Variants in ZW10 observed in about 807,000 individuals in gnomAD.
ZW10 encodes zw10 kinetochore protein, also known as centromere/kinetochore protein zw10 homolog.
A neutral mutation model predicts 87.8 loss-of-function variants in ZW10; 53 were observed. The ratio of observed to expected loss-of-function variants is 0.60; its 90% confidence interval spans 0.48 to 0.76. ZW10 has a LOEUF of 0.76. Among genes scored for constraint, ZW10 ranks in the 30% least tolerant of loss-of-function variants. The pLI is 0.00. For synonymous variants in ZW10, 312 were observed against 329.2 expected (o/e 0.95, Z 0.57); for missense variants, 837 against 923.0 (o/e 0.91, Z 1.21).
In ZW10 at chr11:113,748,325, A is replaced by G; in HGVS notation, c.1021T>C (p.Cys341Arg). The G allele has an allele frequency of 6.2e-7, 1 of 1,613,850 alleles. No individual in the cohort carries two copies. The highest frequency in any genetic ancestry group is 8.5e-7 in the Non-Finnish European group (1 of 1,179,868). ...TAAACCAAACAGTTTTTGATGAGGCACTCAGACAAGTCCTCCCAGATCATG... is the reference window on the plus strand; with the variant it reads ...TAAACCAAACAGTTTTTGATGAGGCGCTCAGACAAGTCCTCCCAGATCATG... ...GDMIWEDLSECLIKNCLVYSI... is the reference protein window; with the variant it reads ...GDMIWEDLSERLIKNCLVYSI... Residue 341 changes from cysteine to arginine, a missense_variant, in exon 8 of 16, where the codon TGC becomes CGC. Transcript: ENST00000200135.
intron 1 of ZW10, 128 bp downstream of exon 1, chr11:113,773,434 C>T: frequency 1.4e-6 from 1 of 713,546 alleles, no homozygotes; most frequent in Admixed American, 2.7e-5. Context: ...ACAACTAGAT[C>T]TCCCCAACAG....
chr11:113,748,425 AT>A lies in ZW10; in HGVS notation c.926-6del, dbSNP rs1953703179. 2 of 1,575,664 alleles carry A rather than the reference AT, an allele frequency of 1.3e-6. No individual in the cohort carries two copies. The highest frequency in any genetic ancestry group is 8.6e-7 in the Non-Finnish European group (1 of 1,167,114). On this transcript the variant is annotated splice_polypyrimidine_tract_variant and splice_region_variant and intron_variant, in intron 7 of 15. Coordinates refer to ENST00000200135, the MANE Select transcript of ZW10 (RefSeq NM_004724.4). ...GGTCAGTGTCAAGTGGCAAATCTGA[AT>A]TTTTTAAAAAAAGAAGTTTTAAACA...
intron 15 of ZW10, 140 bp from the exon 16 acceptor site, chr11:113,733,954 A>G: frequency 2.0e-6 from 2 of 1,022,498 alleles, no homozygotes; most frequent in Non-Finnish European, 1.4e-6. Context: ...CCTCTTCTTT[A>G]TAGAACTGCC....
intron 7 of ZW10, among the ~76,000 whole-genome samples, chr11:113,754,313 C>A (rs926527895): frequency 1.3e-5 from 2 of 152,032 alleles, no homozygotes; most frequent in Non-Finnish European, 2.9e-5. Flanking sequence ...AGTGAAACCC[C>A]GTCTCTACTA....
At chr11:113,764,235 C>T (rs1953890180) in intron 2 of ZW10, among the ~76,000 whole-genome samples, 1 of 152,152 alleles carries the variant, frequency 6.6e-6, no homozygotes, top group African/African-American at 2.4e-5. Context: ...TGTTTTGGTA[C>T]CAGTACCATG....
At position 113,773,565 on chromosome 11, in the gene ZW10, G is replaced by T; in HGVS notation, c.102C>A (p.Ile34=). 3 of 1,612,672 alleles carry T rather than the reference G, an allele frequency of 1.9e-6. No individual in the cohort carries two copies. The highest frequency in any genetic ancestry group is 1.7e-6 in the Non-Finnish European group (2 of 1,179,736). The change falls in exon 1 of 16, where the codon ATC becomes ATA. Residue 34 remains isoleucine (I), a synonymous_variant. Coordinates refer to ENST00000200135, the MANE Select transcript of ZW10 (RefSeq NM_004724.4). The part of the protein sequence containing the change: ...ISRLTRRVEE[I]KGEVCNMISK... The stretch of plus-strand genomic sequence containing the variant: ...CAGACAGCTGCCCCGCTCTCACCTT[G>T]ATCTCCTCCACCCGCCGGGTCAGGC...
chr11:113,749,711 AT>A (rs1227844431), intron 7 of ZW10, among the ~76,000 whole-genome samples: 4 of 152,182 alleles, frequency 2.6e-5, no homozygotes, highest in Non-Finnish European at 4.4e-5. Context: ...AATGGAAAAA[AT>A]TTTTTAAAGC....
intron 7 of ZW10, among the ~76,000 whole-genome samples, chr11:113,751,688 C>T (rs922602826): frequency 6.6e-6 from 1 of 152,148 alleles, no homozygotes; most frequent in African/African-American, 2.4e-5. Context: ...GTCTGACCAA[C>T]ATGGTGAAAC....
At chr11:113,746,495 C>CAAAAAAAAAAA (rs566009326) in intron 9 of ZW10, among the ~76,000 whole-genome samples, 42 of 105,280 alleles carry the variant, frequency 4.0e-4, no homozygotes, top group Middle Eastern at 6.3e-3. Context: ...ACAAAACAGT[C>CAAAAAAAAAAA]AAAAAAAAAA....
In ZW10 at chr11:113,741,674, T is replaced by C; in HGVS notation, c.1583+20A>G. 1 of 1,498,660 alleles carries C rather than the reference T, an allele frequency of 6.7e-7. No individual in the cohort carries two copies. The highest frequency in any genetic ancestry group is 9.1e-7 in the Non-Finnish European group (1 of 1,102,598). 92.8% of individuals were successfully genotyped at this position (1,498,660 alleles called of 1,614,324 possible). Reference sequence around the variant, plus strand: ...TAGACATACAATTATTATATAGAAATGAGATACAGTGGTACTTACTTGTGA... The same window carrying C: ...TAGACATACAATTATTATATAGAAACGAGATACAGTGGTACTTACTTGTGA... On this transcript the variant is annotated intron_variant, in intron 11 of 15. Coordinates refer to ENST00000200135, the MANE Select transcript of ZW10 (RefSeq NM_004724.4).
intron 9 of ZW10, among the ~76,000 whole-genome samples, chr11:113,746,495 C>CAAAAAAAAAAAAAAAAAAAACAAA (rs1953678068): frequency 9.5e-6 from 1 of 105,342 alleles, no homozygotes; most frequent in African/African-American, 3.9e-5. Flanking sequence ...ACAAAACAGT[C>CAAAAAAAAAAAAAAAAAAAACAAA]AAAAAAAAAA....
At position 113,743,976 on chromosome 11, in the gene ZW10, T is replaced by TC. The variant is rs1462756958; in HGVS notation, c.1336dup (p.Glu446GlyfsTer19). 2.5e-6 allele frequency: 4 copies of TC among 1,614,142 alleles called. No individual in the cohort carries two copies. On this transcript the variant is annotated frameshift_variant, in exon 10 of 16. Transcript: ENST00000200135. LOFTEE classifies it high-confidence loss of function. ...CTGAGTATTGGATACTTTCTGTACT[T>TC]CCAGTTTGTTATCCTCATCAGGAGT...
At chr11:113,748,710 T>G (rs991899509) in intron 7 of ZW10, among the ~76,000 whole-genome samples, 1 of 152,346 alleles carries the variant, frequency 6.6e-6, no homozygotes, top group East Asian at 1.9e-4. Context: ...TTTGATTGTA[T>G]GACAAGCACT....
rs777584288 is a variant in ZW10 at position 113,733,532 on chromosome 11, C to T, written c.*162G>A. The stretch of plus-strand genomic sequence containing the variant: ...TTAATAAACAGTTCTTAAACAAAGC[C>T]TCGTACAGGCCAGGAGGTAAGACGT... On this transcript the variant is annotated 3_prime_UTR_variant, in exon 16 of 16. Transcript: ENST00000200135. 1.1e-5 allele frequency: 9 copies of T among 829,344 alleles called. No individual in the cohort carries two copies. Among genetic ancestry groups the T allele is most frequent in the Non-Finnish European group, 1.5e-5 (8 of 529,988 alleles). The allele number at this position is 829,344 out of a possible 1,614,324, so 51.4% of individuals were successfully genotyped here.
intron 7 of ZW10, among the ~76,000 whole-genome samples, chr11:113,753,654 C>T (rs534787445): frequency 1.3e-5 from 2 of 152,300 alleles, no homozygotes; most frequent in Admixed American, 6.5e-5. Flanking sequence ...GATCCATCTG[C>T]CCTGGCCTCC....
chr11:113,747,386 G>A (rs941411753), intron 9 of ZW10, 145 bp downstream of exon 9: 2 of 670,586 alleles, frequency 3.0e-6, no homozygotes, highest in Non-Finnish European at 4.8e-6. Flanking sequence ...CCACTTTAAA[G>A]GAGACAAAAC....
intron 2 of ZW10, among the ~76,000 whole-genome samples, chr11:113,763,030 C>G (rs1953878004): frequency 6.6e-6 from 1 of 152,144 alleles, no homozygotes; most frequent in Non-Finnish European, 1.5e-5. Context: ...CCTCGTCCCC[C>G]ACCAGGCCCT....
chr11:113,736,349 T>C (rs989541965), intron 15 of ZW10, among the ~76,000 whole-genome samples: 2 of 151,968 alleles, frequency 1.3e-5, no homozygotes, highest in Non-Finnish European at 2.9e-5. Context: ...CTATAATTCT[T>C]ACAGTTGCCA....
At chr11:113,743,675 C>T (rs1237363941) in intron 10 of ZW10, 127 bp downstream of exon 10, 14 of 773,822 alleles carry the variant, frequency 1.8e-5, no homozygotes, top group Non-Finnish European at 3.0e-5. Flanking sequence ...TGTTTTGTTT[C>T]CAGAAAAAGC....
Sources: gnomAD v4.1 joint callset for allele counts (sites outside exome capture counted in the v4.1 genomes callset) on GRCh38, gnomAD v4.1.1 for gene constraint, MANE v1.5 for transcripts, NCBI Gene and HGNC (gene_info 2026-07-23, HGNC 2026-07-21) for gene names.